FSTL5: variants seen among roughly 807,000 people sequenced by gnomAD.
FSTL5 encodes follistatin like 5, also known as follistatin-related protein 5.
FSTL5 carries 62 observed loss-of-function variants against 89.1 expected under a neutral mutation model. The observed-to-expected ratio is 0.70, with a 90% confidence interval of 0.57 to 0.86. FSTL5 has a LOEUF of 0.86. Among genes scored for constraint, FSTL5 ranks in the 40% least tolerant of loss-of-function variants. FSTL5 has a pLI of 0.00. For missense variants in FSTL5, 1,057 were observed against 1,001.6 expected, an observed-to-expected ratio of 1.06 and a Z score of -0.75; for synonymous variants, 383 against 346.2, an observed-to-expected ratio of 1.11 and a Z score of -1.18.
intron 4 of FSTL5, among the ~76,000 whole-genome samples, chr4:161,884,499 G>A (rs1250058750): frequency 2.0e-5 from 3 of 152,068 alleles, no homozygotes; most frequent in South Asian, 2.1e-4. Context: ...AAGAGAAGTA[G>A]TATGTTATGA....
At chr4:162,025,508 C>A (rs2111170323) in intron 3 of FSTL5, among the ~76,000 whole-genome samples, 1 of 152,074 alleles carries the variant, frequency 6.6e-6, no homozygotes, top group East Asian at 1.9e-4. Flanking sequence ...AGTCTAAATT[C>A]TGGGATAAAG....
At chr4:161,561,640 A>G (rs1287036392) in intron 8 of FSTL5, among the ~76,000 whole-genome samples, 1 of 151,998 alleles carries the variant, frequency 6.6e-6, no homozygotes, top group African/African-American at 2.4e-5. Context: ...AACAATAATA[A>G]CAAGGCAAAA....
Position 162,046,466 on chromosome 4 carries a change from G to A in FSTL5, c.127-12808C>T, listed in dbSNP as rs192824039. 2.6e-5 allele frequency among the ~76,000 whole-genome samples: 4 copies of A among 152,220 alleles called. No individual in the cohort carries two copies. In the East Asian group the frequency reaches 5.8e-4, roughly 22 times the overall value. On this transcript the variant is annotated intron_variant, in intron 2 of 15. Coordinates refer to ENST00000306100, the MANE Select transcript of FSTL5 (RefSeq NM_020116.5). ...AGTTGTAAACTCTTTAATCTTTTGG[G>A]AGAAACTGTGGACAGTTAAGCATAA...
At chr4:161,666,936 C>T (rs1736919024) in intron 6 of FSTL5, among the ~76,000 whole-genome samples, 1 of 151,974 alleles carries the variant, frequency 6.6e-6, no homozygotes, top group African/African-American at 2.4e-5. Context: ...AAAGACTTTT[C>T]AATGAAAGTC....
chr4:161,806,923 G>C (rs1579106273), intron 4 of FSTL5, among the ~76,000 whole-genome samples: 1 of 152,014 alleles, frequency 6.6e-6, no homozygotes, highest in Non-Finnish European at 1.5e-5. Context: ...TAGATAGATA[G>C]ATAGATGAAA....
Position 161,678,158 on chromosome 4 carries a change from G to A in FSTL5, c.728-21664C>T, listed in dbSNP as rs116857855. ...TATATTCTATGATATATTTTTATGTGGCATATATGATACTTACTATATAAT... is the reference window on the plus strand; with the variant it reads ...TATATTCTATGATATATTTTTATGTAGCATATATGATACTTACTATATAAT... On this transcript the variant is annotated intron_variant, in intron 6 of 15. Transcript: ENST00000306100. Among the ~76,000 whole-genome samples, 906 of 151,486 alleles carry A rather than the reference G, an allele frequency of 6.0e-3. 9 individuals are homozygous for A. Among genetic ancestry groups the A allele is most frequent in the South Asian group, 0.046 (220 of 4,810 alleles).
At chr4:161,479,561 C>T (rs1259701441) in intron 13 of FSTL5, among the ~76,000 whole-genome samples, 1 of 152,052 alleles carries the variant, frequency 6.6e-6, no homozygotes, top group African/African-American at 2.4e-5. Flanking sequence ...GCCTATGTTG[C>T]AGCTGAAATA....
intron 2 of FSTL5, among the ~76,000 whole-genome samples, chr4:162,093,165 G>A (rs1231129674): frequency 6.6e-6 from 1 of 152,038 alleles, no homozygotes; most frequent in Non-Finnish European, 1.5e-5. Flanking sequence ...CAAATGAGAA[G>A]CGTAGTGATA....
At chr4:161,571,543 A>T (rs915011717) in intron 8 of FSTL5, among the ~76,000 whole-genome samples, 2 of 152,316 alleles carry the variant, frequency 1.3e-5, no homozygotes, top group East Asian at 3.9e-4. Flanking sequence ...CAATTAAGAA[A>T]AATAGAGCAT....
At chr4:161,513,272 GGAGAGAGAGA>G (rs6148753) in intron 10 of FSTL5, among the ~76,000 whole-genome samples, 32,857 of 110,320 alleles carry the variant, frequency 0.3, 5,947 homozygotes, top group Non-Finnish European at 0.41. Flanking sequence ...ACAAGGAGGG[GGAGAGAGAGA>G]GAGAGAGAGA....
At chr4:161,955,575 T>A (rs569058287) in intron 3 of FSTL5, among the ~76,000 whole-genome samples, 1 of 151,968 alleles carries the variant, frequency 6.6e-6, no homozygotes, top group Non-Finnish European at 1.5e-5. Context: ...TAAGCAGAAC[T>A]CTTAAAATAT....
chr4:161,550,651 T>C (rs1441776512), intron 8 of FSTL5, among the ~76,000 whole-genome samples: 1 of 151,780 alleles, frequency 6.6e-6, no homozygotes, highest in Non-Finnish European at 1.5e-5. Context: ...GTTACATATG[T>C]TTACATGTGC....
intron 6 of FSTL5, among the ~76,000 whole-genome samples, chr4:161,739,996 CTATTTATT>C (rs141804950): frequency 0.014 from 2,127 of 149,478 alleles, 37 homozygotes; most frequent in Admixed American, 0.035. Context: ...AGGATAGTAT[CTATTTATT>C]TATTTATTTA....
At position 162,138,004 on chromosome 4, in the gene FSTL5, G is replaced by T. The variant is rs371386467; in HGVS notation, c.-17+25611C>A. On this transcript the variant is annotated intron_variant, in intron 1 of 15. Coordinates refer to ENST00000306100, the MANE Select transcript of FSTL5 (RefSeq NM_020116.5). ...GTGTTCCAAGGGTACTCAGAGAGCTGGTGGGAAGGTGGGGTATGAGAAAGA... is the reference window on the plus strand; with the variant it reads ...GTGTTCCAAGGGTACTCAGAGAGCTTGTGGGAAGGTGGGGTATGAGAAAGA... 2.2e-4 allele frequency among the ~76,000 whole-genome samples: 33 copies of T among 152,168 alleles called. 1 individual carries two copies. Among genetic ancestry groups the T allele is most frequent in the African/African-American group, 7.7e-4 (32 of 41,550 alleles).
rs762323532 is a variant in FSTL5 at position 161,562,879 on chromosome 4, T to C, written c.1016-20186A>G. Among the ~76,000 whole-genome samples, 8 of 152,160 alleles carry C rather than the reference T, an allele frequency of 5.3e-5. No individual in the cohort carries two copies. The South Asian group carries it at 8.3e-4, about 16-fold the overall frequency. ...ATTTTAGACTCCTGAAAGTACCTCA[T>C]ATACATAGAATTATACAATATTTAT... On this transcript the variant is annotated intron_variant, in intron 8 of 15. Coordinates refer to ENST00000306100, the MANE Select transcript of FSTL5 (RefSeq NM_020116.5).
intron 1 of FSTL5, among the ~76,000 whole-genome samples, chr4:162,127,402 A>G (rs1291155461): frequency 1.3e-5 from 2 of 152,230 alleles, no homozygotes; most frequent in Non-Finnish European, 2.9e-5. Context: ...TGCTCACACT[A>G]TAATTCATCT....
At chr4:161,752,414 T>G (rs1301127061) in intron 6 of FSTL5, among the ~76,000 whole-genome samples, 3 of 152,192 alleles carry the variant, frequency 2.0e-5, no homozygotes, top group African/African-American at 4.8e-5. Context: ...TATTCATACT[T>G]GATGGATGCT....
intron 2 of FSTL5, among the ~76,000 whole-genome samples, chr4:162,078,472 T>A (rs1729956808): frequency 6.6e-6 from 1 of 151,836 alleles, no homozygotes; most frequent in African/African-American, 2.4e-5. Context: ...CAAGATGAGA[T>A]AGATATTATA....
At chr4:161,857,077 C>T (rs538490366) in intron 4 of FSTL5, among the ~76,000 whole-genome samples, 2 of 152,214 alleles carry the variant, frequency 1.3e-5, no homozygotes, top group African/African-American at 4.8e-5. Context: ...GAAAGCCATA[C>T]ATTGGGATAT....
Sources: gnomAD v4.1 joint callset for allele counts (sites outside exome capture counted in the v4.1 genomes callset) on GRCh38, gnomAD v4.1.1 for gene constraint, MANE v1.5 for transcripts, NCBI Gene and HGNC (gene_info 2026-07-23, HGNC 2026-07-21) for gene names.